The following ASXL3 variants were observed in gnomAD, a reference collection of about 807,000 sequenced individuals.
ASXL3 encodes the protein ASXL transcriptional regulator 3.
Under a neutral mutation model 170.6 loss-of-function variants are expected in ASXL3, and 34 were observed. The ratio of observed to expected loss-of-function variants is 0.20; its 90% CI spans 0.15 to 0.27. ASXL3 has a LOEUF of 0.27. ASXL3 is among the 10% of genes least tolerant of loss of function. The pLI, the probability that ASXL3 is intolerant of heterozygous loss-of-function variation, is 1.00. For synonymous variants in ASXL3, 1,002 were observed against 989.1 expected (o/e 1.01, Z -0.24); for missense variants, 2,592 against 2,695.3 (o/e 0.96, Z 0.85).
At chr18:33,742,745 G>T (rs1308339421) in intron 11 of ASXL3, 143 bp from the exon 12 acceptor site, 7 of 1,216,832 alleles carry the variant, frequency 5.8e-6, no homozygotes, top group East Asian at 5.3e-5. Context: ...TGCCCTAAGG[G>T]TGCATCCAGG....
chr18:33,632,347 C>G (rs778839121), intron 2 of ASXL3, among the ~76,000 whole-genome samples: 10 of 152,112 alleles, frequency 6.6e-5, no homozygotes, highest in Non-Finnish European at 1.3e-4. Flanking sequence ...TATTACTCTA[C>G]AACCATGACA....
chr18:33,747,855 T>TATC lies in ASXL3; in HGVS notation c.*1261_*1263dup, dbSNP rs2067821457. The TATC allele has an allele frequency of 6.6e-6, 1 of 152,224 alleles. No individual in the cohort carries two copies. The highest frequency in any genetic ancestry group is 2.4e-5 in the African/African-American group (1 of 41,466). The allele number at this position is 152,224 out of a possible 1,614,324, so 9.4% of individuals were successfully genotyped here. On this transcript the variant is annotated 3_prime_UTR_variant, in exon 12 of 12. Coordinates refer to ENST00000269197, the MANE Select transcript of ASXL3 (RefSeq NM_030632.3). ...AAAAGGGATACTGCATCTTAACAGTTATCTTCAGTGTGCATCCAGTAAAGT... is the reference window on the plus strand; with the variant it reads ...AAAAGGGATACTGCATCTTAACAGTTATCATCTTCAGTGTGCATCCAGTAAAGT...
At chr18:33,595,698 C>A (rs558892788) in intron 1 of ASXL3, among the ~76,000 whole-genome samples, 2 of 152,174 alleles carry the variant, frequency 1.3e-5, no homozygotes. Flanking sequence ...ACGAACATAG[C>A]TTCCAGCAAA....
rs1437914054 is a variant in ASXL3, at chr18:33,738,841, G to A, written c.1437G>A (p.Glu479=). ...AGACAATACCTGAATTTTCTGAGGA[G>A]GCTGAAAGTCTAACCAATTCTCATG... ...NHKTIPEFSE[E]AESLTNSHEE... The change falls in exon 11 of 12, where the codon GAG becomes GAA. Residue 479 remains glutamate, a synonymous_variant. Transcript: ENST00000269197. 1.2e-6 allele frequency: 2 copies of A among 1,613,602 alleles called. No individual in the cohort carries two copies. Among genetic ancestry groups the A allele is most frequent in the East Asian group, 4.5e-5 (2 of 44,884 alleles).
At chr18:33,647,309 C>T (rs148006301) in intron 4 of ASXL3, among the ~76,000 whole-genome samples, 509 of 152,166 alleles carry the variant, frequency 3.3e-3, no homozygotes, top group African/African-American at 0.011. Context: ...TTACTGCTTC[C>T]GTTCCTCTCT....
rs115370953 is a variant in ASXL3, at chr18:33,726,869, C to T, written c.880-5099C>T. On this transcript the variant is annotated intron_variant, in intron 8 of 11. Transcript: ENST00000269197. ...AGGCCCAGTGTGATCCTGTCCCCTC[C>T]GCTCCTCTTCCTTCCACTTTCTGCT... is the stretch of plus-strand genomic sequence containing the variant. 3.5e-3 allele frequency among the ~76,000 whole-genome samples: 533 copies of T among 152,244 alleles called. 4 individuals are homozygous for T. Among genetic ancestry groups the T allele is most frequent in the African/African-American group, 0.012 (500 of 41,574 alleles).
At chr18:33,622,154 C>A (rs1451832432) in intron 2 of ASXL3, among the ~76,000 whole-genome samples, 1 of 152,016 alleles carries the variant, frequency 6.6e-6, no homozygotes, top group African/African-American at 2.4e-5. Flanking sequence ...GTATCAAATG[C>A]AGTATATAAT....
At chr18:33,642,128 T>G (rs1016627795) in intron 2 of ASXL3, among the ~76,000 whole-genome samples, 34 of 151,900 alleles carry the variant, frequency 2.2e-4, no homozygotes, top group Middle Eastern at 3.2e-3. Flanking sequence ...ATAGTATACA[T>G]GCCAATTCTA....
chr18:33,689,947 T>C (rs141355355), intron 8 of ASXL3, among the ~76,000 whole-genome samples: 1 of 152,310 alleles, frequency 6.6e-6, no homozygotes, highest in East Asian at 1.9e-4. Context: ...TATGCTTAAA[T>C]TGTCCCACAT....
In ASXL3 at chr18:33,746,545, G is replaced by A; in HGVS notation, c.6697G>A (p.Asp2233Asn). The change falls in exon 12 of 12, where the codon GAC becomes AAC. Residue 2233 changes from aspartate (D) to asparagine (N), a missense_variant. By Grantham distance (23) the Asp-to-Asn change is conservative. Transcript: ENST00000269197. ...AGGCTGTGGGGCCTTCTGCCATGAC[G>A]ACTGCATAGGTCCTTCAAAACTTTG... The part of the protein sequence containing the change: ...CKGCGAFCHD[D>N]CIGPSKLCVA... The A allele has an allele frequency of 6.2e-7, 1 of 1,609,676 alleles. No individual in the cohort carries two copies. Among genetic ancestry groups the A allele is most frequent in the Non-Finnish European group, 8.5e-7 (1 of 1,177,294 alleles).
intron 1 of ASXL3, among the ~76,000 whole-genome samples, chr18:33,592,840 G>A (rs1454104740): frequency 6.6e-6 from 1 of 151,920 alleles, no homozygotes; most frequent in Non-Finnish European, 1.5e-5. Flanking sequence ...AAATTGATTT[G>A]TAAAATCTTC....
At chr18:33,629,003 A>T (rs2065639883) in intron 2 of ASXL3, among the ~76,000 whole-genome samples, 1 of 152,154 alleles carries the variant, frequency 6.6e-6, no homozygotes, top group Non-Finnish European at 1.5e-5. Flanking sequence ...CTGTGCTTAT[A>T]AATGGACGTT....
chr18:33,597,729 G>A (rs2145107548), intron 1 of ASXL3, among the ~76,000 whole-genome samples: 1 of 149,710 alleles, frequency 6.7e-6, no homozygotes, highest in East Asian at 2.0e-4. Context: ...TCTTACCTGG[G>A]AATAACCTGG....
rs933847993 is a variant in ASXL3, at chr18:33,638,006, G to C, written c.138-6888G>C. On this transcript the variant is annotated intron_variant, in intron 2 of 11. Coordinates refer to ENST00000269197, the MANE Select transcript of ASXL3 (RefSeq NM_030632.3). ...GATTAGCTTGACATACATAAATAGAGTGCTCAATAAATGTTTGTTCAGTGA... is the reference window on the plus strand; with the variant it reads ...GATTAGCTTGACATACATAAATAGACTGCTCAATAAATGTTTGTTCAGTGA... Among the ~76,000 whole-genome samples, 3 of 151,886 alleles carry C rather than the reference G, an allele frequency of 2.0e-5. No individual in the cohort carries two copies. The South Asian group carries it at 6.2e-4, about 31-fold the overall frequency.
At chr18:33,685,269 AGAG>A (rs1293451252) in intron 8 of ASXL3, among the ~76,000 whole-genome samples, 3 of 152,222 alleles carry the variant, frequency 2.0e-5, no homozygotes, top group South Asian at 4.1e-4. Flanking sequence ...TTGAAATTAA[AGAG>A]GAGAAGAAAA....
chr18:33,641,483 A>G (rs2065846557), intron 2 of ASXL3, among the ~76,000 whole-genome samples: 1 of 152,104 alleles, frequency 6.6e-6, no homozygotes, highest in Non-Finnish European at 1.5e-5. Flanking sequence ...GGGAGAAAGA[A>G]AAGAATTGGG....
At chr18:33,610,868 A>G (rs2065326200) in intron 2 of ASXL3, among the ~76,000 whole-genome samples, 1 of 152,090 alleles carries the variant, frequency 6.6e-6, no homozygotes, top group East Asian at 1.9e-4. Flanking sequence ...CCCATTAAAT[A>G]TATGTATGCT....
chr18:33,671,675 A>C, intron 6 of ASXL3, 72 bp from the exon 7 acceptor site: 2 of 1,384,438 alleles, frequency 1.4e-6, no homozygotes, highest in Non-Finnish European at 1.9e-6. Context: ...ACAGTTCCTC[A>C]AACAATTTTA....
At chr18:33,688,853 C>T (rs1438607356) in intron 8 of ASXL3, among the ~76,000 whole-genome samples, 1 of 152,174 alleles carries the variant, frequency 6.6e-6, no homozygotes, top group Admixed American at 6.5e-5. Flanking sequence ...AGGGCCTGTG[C>T]CCTCCATCGT....
Sources: gnomAD v4.1 joint callset for allele counts (sites outside exome capture counted in the v4.1 genomes callset) on GRCh38, gnomAD v4.1.1 for gene constraint, MANE v1.5 for transcripts, NCBI Gene and HGNC (gene_info 2026-07-23, HGNC 2026-07-21) for gene names.